The following SLMAP variants were observed in gnomAD, a reference collection of about 807,000 sequenced individuals.
The protein encoded by SLMAP is sarcolemmal membrane-associated protein.
In SLMAP, 44 loss-of-function variants were observed where a neutral mutation model predicts 128.8. The ratio of observed to expected loss-of-function variants is 0.34; its 90% CI spans 0.27 to 0.44. SLMAP has a LOEUF of 0.44. SLMAP is among the 20% of genes least tolerant of loss of function. The pLI is 1.00. For synonymous variants in SLMAP, 327 were observed against 348.8 expected (o/e 0.94, Z 0.70); for missense variants, 787 against 985.3 (o/e 0.80, Z 2.69).
chr3:57,795,956 A>T (rs1303627033), intron 2 of SLMAP, among the ~76,000 whole-genome samples: 1 of 152,006 alleles, frequency 6.6e-6, no homozygotes, highest in Non-Finnish European at 1.5e-5. Flanking sequence ...TAAAGTGTAA[A>T]TATTTTTAAT....
intron 2 of SLMAP, among the ~76,000 whole-genome samples, chr3:57,797,159 G>A (rs1407324698): frequency 6.8e-6 from 1 of 147,870 alleles, no homozygotes; most frequent in Admixed American, 6.9e-5. Context: ...TCCAGCCTGG[G>A]TGACAGAGTG....
chr3:57,906,310 C>CTTTTT lies in SLMAP; in HGVS notation c.1502-1556_1502-1552dup, dbSNP rs999042505. Among the ~76,000 whole-genome samples, 270 of 46,884 alleles carry CTTTTT rather than the reference C, an allele frequency of 5.8e-3. 21 individuals are homozygous for CTTTTT. The highest frequency in any genetic ancestry group is 7.6e-3 in the African/African-American group (106 of 13,970). The allele number at this position is 46,884 out of a possible 152,430, so 30.8% of individuals were successfully genotyped here. A position where few individuals can be genotyped will look rare whatever the true frequency, so the allele number is the denominator to read the frequency against. On this transcript the variant is annotated intron_variant, in intron 17 of 24. Coordinates refer to ENST00000671191, the MANE Select transcript of SLMAP (RefSeq NM_001377540.1). The stretch of plus-strand genomic sequence containing the variant: ...GAATCAAATTTTTTTCTTTTTTTTT[C>CTTTTT]TTTTTTTTTTTTTTTTTTTTTTAGA...
At chr3:57,897,080 A>C (rs1559483712) in intron 17 of SLMAP, 148 bp downstream of exon 17, 1 of 1,411,134 alleles carries the variant, frequency 7.1e-7, no homozygotes. Flanking sequence ...AAAAATTTAA[A>C]GTTTTGGTGT....
At chr3:57,888,433 A>G (rs979851500) in intron 14 of SLMAP, among the ~76,000 whole-genome samples, 3 of 152,084 alleles carry the variant, frequency 2.0e-5, no homozygotes, top group Admixed American at 6.5e-5. Context: ...CCTGGCCAAC[A>G]TGGTGAAACC....
Position 57,864,603 on chromosome 3 carries a change from A to G in SLMAP, c.1022A>G (p.Glu341Gly). 6.3e-7 allele frequency: 1 copy of G among 1,593,552 alleles called. No individual in the cohort carries two copies. The highest frequency in any genetic ancestry group is 8.5e-7 in the Non-Finnish European group (1 of 1,174,870). Residue 341 changes from glutamate to glycine, a missense_variant, in exon 11 of 25, where the codon GAA becomes GGA. By Grantham distance (98) the Glu-to-Gly change is moderately conservative. Transcript: ENST00000671191. ...CAGAAGGGACAGGCTGAGAAAAAAGAATTACAACATAAAATAGATGAAATG... is the reference window on the plus strand; with the variant it reads ...CAGAAGGGACAGGCTGAGAAAAAAGGATTACAACATAAAATAGATGAAATG... ...IQQKGQAEKK[E>G]LQHKIDEMEE...
chr3:57,868,550 A>C (rs2095368964), intron 13 of SLMAP, among the ~76,000 whole-genome samples: 1 of 151,898 alleles, frequency 6.6e-6, no homozygotes, highest in African/African-American at 2.4e-5. Flanking sequence ...ACATAGTGAG[A>C]CTTCTGTCTC....
At chr3:57,850,208 T>TA (rs2094451155) in intron 6 of SLMAP, among the ~76,000 whole-genome samples, 2 of 152,130 alleles carry the variant, frequency 1.3e-5, no homozygotes, top group South Asian at 4.2e-4. Context: ...ACAACTTATA[T>TA]TTTATTTTGC....
At chr3:57,878,137 C>T (rs1437084412) in intron 14 of SLMAP, among the ~76,000 whole-genome samples, 1 of 152,032 alleles carries the variant, frequency 6.6e-6, no homozygotes, top group Non-Finnish European at 1.5e-5. Context: ...GCCACTGCAC[C>T]CGGCCTCCTT....
In SLMAP at chr3:57,860,700, A is replaced by G; in HGVS notation, c.689A>G (p.Asn230Ser). The G allele has an allele frequency of 1.9e-6, 3 of 1,547,030 alleles. No homozygotes were observed. The highest frequency in any genetic ancestry group is 2.3e-5 in the East Asian group (1 of 43,150). The change falls in exon 9 of 25, where the codon AAT becomes AGT. Residue 230 changes from asparagine to serine, a missense_variant and splice_region_variant. By Grantham distance (46) the Asn-to-Ser change is conservative. Around this residue, in one of 2 missense-constraint regions of SLMAP, gnomAD observed 715 missense variants for 843.6 expected, o/e 0.85. Transcript: ENST00000671191. ...MGNQLQACSK[N>S]QTEDSLRKEL... ...AATTATAAATATCTTTTATTGTAGAATCAAACAGAAGATAGTTTACGAAAG... is the reference window on the plus strand; with the variant it reads ...AATTATAAATATCTTTTATTGTAGAGTCAAACAGAAGATAGTTTACGAAAG...
intron 17 of SLMAP, among the ~76,000 whole-genome samples, chr3:57,903,014 T>TA (rs1399778091): frequency 6.6e-6 from 1 of 152,156 alleles, no homozygotes; most frequent in African/African-American, 2.4e-5. Flanking sequence ...ACCTGAGAGA[T>TA]ACAGAGATAA....
intron 2 of SLMAP, among the ~76,000 whole-genome samples, chr3:57,759,385 C>G (rs896788436): frequency 6.6e-6 from 1 of 151,568 alleles, no homozygotes; most frequent in African/African-American, 2.4e-5. Flanking sequence ...TCAAGTGATT[C>G]TCCTGCCTCA....
intron 2 of SLMAP, among the ~76,000 whole-genome samples, chr3:57,759,664 C>T (rs2078232626): frequency 6.6e-6 from 1 of 152,238 alleles, no homozygotes; most frequent in African/African-American, 2.4e-5. Flanking sequence ...AGTGCCTTAA[C>T]TCAACCAGCT....
intron 2 of SLMAP, among the ~76,000 whole-genome samples, chr3:57,774,197 C>G (rs2081386798): frequency 6.6e-6 from 1 of 152,132 alleles, no homozygotes; most frequent in Non-Finnish European, 1.5e-5. Context: ...TGTGTGGAGG[C>G]AGAGTTTTAA....
intron 6 of SLMAP, among the ~76,000 whole-genome samples, chr3:57,851,916 T>C (rs1049385274): frequency 3.9e-5 from 6 of 152,100 alleles, no homozygotes; most frequent in Non-Finnish European, 5.9e-5. Flanking sequence ...CCTGGGTCCC[T>C]ATATTCTTTT....
chr3:57,894,879 AG>A (rs1180190838), intron 15 of SLMAP, among the ~76,000 whole-genome samples: 1 of 152,232 alleles, frequency 6.6e-6, no homozygotes, highest in Non-Finnish European at 1.5e-5. Flanking sequence ...TGTAGGGACC[AG>A]ATTACGGCTA....
intron 20 of SLMAP, 89 bp downstream of exon 20, chr3:57,912,790 T>G: frequency 2.0e-6 from 2 of 1,020,750 alleles, no homozygotes; most frequent in Non-Finnish European, 2.8e-6. Context: ...AGGCTTTTTT[T>G]TTCTTTGTTA....
rs571920457 is a variant in SLMAP at position 57,914,542 on chromosome 3, T to C, written c.2138+1267T>C. ...TATATGATATATATCATATATGAAA[T>C]ACATATGAGATCTATACATATCTCA... On this transcript the variant is annotated intron_variant, in intron 21 of 24. Transcript: ENST00000671191. 6.2e-4 allele frequency among the ~76,000 whole-genome samples: 94 copies of C among 152,054 alleles called. 1 individual carries two copies. The highest frequency in any genetic ancestry group is 1.2e-3 in the Non-Finnish European group (82 of 67,986).
rs1337355477 is a variant in SLMAP, at chr3:57,855,721, A to C, written c.520-2012A>C. 5.4e-5 allele frequency among the ~76,000 whole-genome samples: 8 copies of C among 148,900 alleles called. No individual in the cohort carries two copies. In the East Asian group the frequency reaches 5.8e-4, roughly 11 times the overall value. On this transcript the variant is annotated intron_variant, in intron 6 of 24. Transcript: ENST00000671191. ...GAACGCCCCATCTGTTAAAAAAAAAAAAAACAAAAAAAAAAACTTTAAATA... is the reference window on the plus strand; with the variant it reads ...GAACGCCCCATCTGTTAAAAAAAAACAAAACAAAAAAAAAAACTTTAAATA...
intron 19 of SLMAP, among the ~76,000 whole-genome samples, chr3:57,910,523 C>T (rs1480907016): frequency 6.6e-6 from 1 of 152,162 alleles, no homozygotes; most frequent in Admixed American, 6.6e-5. Flanking sequence ...ATAGTAGTCT[C>T]TGCACTGATT....
Sources: allele counts gnomAD v4.1 joint callset (sites outside exome capture counted in the v4.1 genomes callset), GRCh38; gene constraint gnomAD v4.1.1; regional missense constraint gnomAD v4.1.1; transcripts MANE v1.5; gene names NCBI Gene and HGNC (gene_info 2026-07-23, HGNC 2026-07-21).